Variants in PPP1R1C observed in about 807,000 individuals in gnomAD.
The protein encoded by PPP1R1C is protein phosphatase 1 regulatory subunit 1C.
A neutral mutation model predicts 17.4 loss-of-function variants in PPP1R1C; 15 were observed. The ratio of observed to expected loss-of-function variants is 0.86; its 90% confidence interval spans 0.58 to 1.33. The LOEUF is 1.33. Among genes scored for constraint, PPP1R1C ranks in the 40% most tolerant of loss-of-function variants. The pLI is 0.00. For missense variants in PPP1R1C, 143 were observed against 130.0 expected (o/e 1.10, Z -0.48); for synonymous variants, 35 against 43.1 (o/e 0.81, Z 0.73).
intron 2 of PPP1R1C, among the ~76,000 whole-genome samples, chr2:182,000,437 G>C (rs1685729873): frequency 6.6e-6 from 1 of 152,154 alleles, no homozygotes; most frequent in Admixed American, 6.5e-5. Flanking sequence ...AGCATGATCT[G>C]AGGGTGGAGA....
chr2:181,984,182 G>A (rs923627508), upstream of PPP1R1C, among the ~76,000 whole-genome samples: 18 of 152,236 alleles, frequency 1.2e-4, no homozygotes, highest in South Asian at 2.3e-3. Flanking sequence ...GAGTGATTCC[G>A]TGCTGGCCTT....
chr2:182,076,160 C>G (rs1468673154), intron 4 of PPP1R1C, among the ~76,000 whole-genome samples: 1 of 108,026 alleles, frequency 9.3e-6, no homozygotes, highest in Non-Finnish European at 1.8e-5. Flanking sequence ...CTAAAGTTAT[C>G]TATAAATCAA....
chr2:182,128,805 C>A (rs1286642697), intron 5 of PPP1R1C, among the ~76,000 whole-genome samples: 1 of 152,020 alleles, frequency 6.6e-6, no homozygotes, highest in Admixed American at 6.6e-5. Context: ...GAAAACTTTC[C>A]TCTTACAAAT....
At position 182,045,750 on chromosome 2, in the gene PPP1R1C, A is replaced by G. The variant is rs534758026; in HGVS notation, c.143-15692A>G. Among the ~76,000 whole-genome samples the G allele has an allele frequency of 3.6e-3, 555 of 152,232 alleles. 1 individual carries two copies. Among genetic ancestry groups the G allele is most frequent in the South Asian group, 6.0e-3 (29 of 4,828 alleles). On this transcript the variant is annotated intron_variant, in intron 2 of 4. Coordinates refer to ENST00000682840, the MANE Select transcript of PPP1R1C (RefSeq NM_001080545.3). Reference sequence around the variant, plus strand: ...TATATCTACACAGTTCAAAATGCAAAAGGGTTTGGAAAAAATAAATGATTC... The same window carrying G: ...TATATCTACACAGTTCAAAATGCAAGAGGGTTTGGAAAAAATAAATGATTC...
intron 2 of PPP1R1C, among the ~76,000 whole-genome samples, chr2:182,024,465 C>A (rs1236417112): frequency 6.6e-6 from 1 of 151,082 alleles, no homozygotes; most frequent in Non-Finnish European, 1.5e-5. Flanking sequence ...TCTATTTTTT[C>A]ACAATGTAAA....
intron 4 of PPP1R1C, among the ~76,000 whole-genome samples, chr2:182,088,899 A>G (rs111967076): frequency 2.0e-5 from 3 of 152,210 alleles, no homozygotes; most frequent in Non-Finnish European, 2.9e-5. Context: ...TCCTTATTCA[A>G]CATTCCTTAT....
intron 4 of PPP1R1C, among the ~76,000 whole-genome samples, chr2:182,092,642 G>C (rs979192811): frequency 1.3e-5 from 2 of 152,136 alleles, no homozygotes; most frequent in East Asian, 1.9e-4. Flanking sequence ...TACAGGCATT[G>C]GTAAATACAG....
intron 2 of PPP1R1C, among the ~76,000 whole-genome samples, chr2:182,026,727 T>C (rs1351771798): frequency 2.0e-5 from 3 of 151,996 alleles, no homozygotes; most frequent in African/African-American, 4.8e-5. Flanking sequence ...TTTAAAGTAG[T>C]TTTTTACAAT....
At chr2:182,070,749 T>C (rs556415700) in intron 4 of PPP1R1C, among the ~76,000 whole-genome samples, 2 of 152,336 alleles carry the variant, frequency 1.3e-5, no homozygotes, top group East Asian at 1.9e-4. Context: ...AGAGGTTTAA[T>C]TGGCTTATAG....
chr2:182,027,770 A>C (rs1344439332), intron 2 of PPP1R1C, among the ~76,000 whole-genome samples: 1 of 151,012 alleles, frequency 6.6e-6, no homozygotes, highest in Non-Finnish European at 1.5e-5. Flanking sequence ...TCATTGGAAT[A>C]GTTTCAGAAG....
downstream of PPP1R1C, among the ~76,000 whole-genome samples, chr2:182,119,066 C>T (rs1178577975): frequency 3.3e-5 from 5 of 152,164 alleles, no homozygotes; most frequent in East Asian, 7.7e-4. Context: ...CCACCCACCC[C>T]ACAGCAGGCC....
intron 1 of PPP1R1C, 82 bp downstream of exon 1, chr2:181,986,273 T>TAAAGA: frequency 1.8e-6 from 2 of 1,132,952 alleles, no homozygotes; most frequent in Non-Finnish European, 1.3e-6. Context: ...AAAGGTTCTT[T>TAAAGA]ACCTTTTGAT....
rs59259765 is a variant in PPP1R1C at position 182,085,326 on chromosome 2, T to G, written c.241+21535T>G. 7.2e-5 allele frequency among the ~76,000 whole-genome samples: 11 copies of G among 152,222 alleles called. No homozygotes were observed. In the East Asian group the frequency reaches 2.1e-3, roughly 29 times the overall value. On this transcript the variant is annotated intron_variant, in intron 4 of 4. Coordinates refer to ENST00000682840, the MANE Select transcript of PPP1R1C (RefSeq NM_001080545.3). ...TATTTTTTTCTTATCTATTTTACTTTGCAAGTTTTCCCTCTGTACATCCAT... is the reference window on the plus strand; with the variant it reads ...TATTTTTTTCTTATCTATTTTACTTGGCAAGTTTTCCCTCTGTACATCCAT...
chr2:181,984,913 T>A (rs1030706884), upstream of PPP1R1C, among the ~76,000 whole-genome samples: 3 of 152,204 alleles, frequency 2.0e-5, no homozygotes, highest in Non-Finnish European at 2.9e-5. Flanking sequence ...GCTATGTTAC[T>A]ACCTCCCCTT....
intron 2 of PPP1R1C, among the ~76,000 whole-genome samples, chr2:182,058,605 G>A (rs1047587752): frequency 6.6e-6 from 1 of 152,050 alleles, no homozygotes; most frequent in Non-Finnish European, 1.5e-5. Context: ...AATGAGGAAG[G>A]CAGAGTAAGA....
chr2:181,991,361 C>T (rs1685468943), intron 2 of PPP1R1C, among the ~76,000 whole-genome samples: 2 of 152,058 alleles, frequency 1.3e-5, no homozygotes, highest in African/African-American at 2.4e-5. Context: ...GACAAATAAC[C>T]TAGAACTCTC....
chr2:182,018,687 T>C (rs1044233028), intron 2 of PPP1R1C, among the ~76,000 whole-genome samples: 1 of 152,346 alleles, frequency 6.6e-6, no homozygotes, highest in African/African-American at 2.4e-5. Context: ...TGAGGTTCAG[T>C]CTTGCAGCAT....
At chr2:182,019,435 G>A (rs754812777) in intron 2 of PPP1R1C, among the ~76,000 whole-genome samples, 1 of 152,270 alleles carries the variant, frequency 6.6e-6, no homozygotes, top group Non-Finnish European at 1.5e-5. Context: ...TCAACCAGAA[G>A]GCACGTATTT....
intron 2 of PPP1R1C, among the ~76,000 whole-genome samples, chr2:181,980,024 GTCA>G (rs1685165587): frequency 6.6e-6 from 1 of 151,994 alleles, no homozygotes; most frequent in South Asian, 2.1e-4. Context: ...TGATCATGGC[GTCA>G]CCAGCTCTAT....
Sources: gnomAD v4.1 joint callset for allele counts (sites outside exome capture counted in the v4.1 genomes callset) on GRCh38, gnomAD v4.1.1 for gene constraint, MANE v1.5 for transcripts, NCBI Gene and HGNC (gene_info 2026-07-23, HGNC 2026-07-21) for gene names.